The following EML6 variants were observed in gnomAD, a reference collection of about 807,000 sequenced individuals.
EML6 encodes echinoderm microtubule-associated protein-like 6.
Under a neutral mutation model 240.1 loss-of-function variants are expected in EML6, and 154 were observed. That is an observed-to-expected ratio of 0.64 (90% confidence interval 0.56 to 0.73). The LOEUF is 0.73. Ranked by LOEUF, EML6 falls within the 30% of genes least tolerant of loss-of-function variation. The probability of loss-of-function intolerance (pLI) is 0.00; values close to 1 mark genes in which losing one functional copy is unlikely to be tolerated. For missense variants in EML6, 2,964 were observed against 2,474.6 expected (o/e 1.20, Z -4.20); for synonymous variants, 1,148 against 899.0 (o/e 1.28, Z -4.95).
In EML6 at chr2:54,725,036, C is replaced by CG; in HGVS notation, c.-20dup. 1 of 1,486,536 alleles carries CG rather than the reference C, an allele frequency of 6.7e-7. No individual in the cohort carries two copies. The highest frequency in any genetic ancestry group is 8.9e-7 in the Non-Finnish European group (1 of 1,118,226). 92.1% of individuals were successfully genotyped at this position (1,486,536 alleles called of 1,614,324 possible). A position where few individuals can be genotyped will look rare whatever the true frequency, so the allele number is the denominator to read the frequency against. ...AGGACGGCCCCGGCGCGCGGGGGGG[C>CG]GGGGGGCGCGCGGGGTCGGCTTATC... On this transcript the variant is annotated 5_prime_UTR_variant, in exon 2 of 42. Coordinates refer to ENST00000356458, the MANE Select transcript of EML6 (RefSeq NM_001039753.4). The surrounding 1 kb of genome is among the most constrained non-coding windows in gnomAD (Gnocchi z 4.3).
chr2:54,777,054 G>A (rs1210119521), intron 2 of EML6, among the ~76,000 whole-genome samples: 2 of 152,152 alleles, frequency 1.3e-5, no homozygotes, highest in Non-Finnish European at 2.9e-5. Flanking sequence ...AATTGCCAGA[G>A]TAAGGACAGC....
chr2:54,813,437 T>A (rs774736782), intron 3 of EML6, 46 bp downstream of exon 3: 1 of 1,468,730 alleles, frequency 6.8e-7, no homozygotes, highest in South Asian at 1.2e-5. Context: ...TTCTCACAAC[T>A]CACTTAAAAC....
At chr2:54,727,618 C>G (rs1682968629) in intron 2 of EML6, among the ~76,000 whole-genome samples, 1 of 152,174 alleles carries the variant, frequency 6.6e-6, no homozygotes, top group African/African-American at 2.4e-5. Context: ...ATGGAGAGGA[C>G]TATAGCTAAG....
chr2:54,728,121 C>T (rs891537394), intron 2 of EML6, among the ~76,000 whole-genome samples: 29 of 152,136 alleles, frequency 1.9e-4, no homozygotes, highest in African/African-American at 1.7e-4. Flanking sequence ...ATATTTTAGA[C>T]CTGATAACAT....
intron 2 of EML6, among the ~76,000 whole-genome samples, chr2:54,803,055 C>G (rs939173215): frequency 1.3e-5 from 2 of 152,038 alleles, no homozygotes; most frequent in African/African-American, 4.8e-5. Flanking sequence ...CACCAACTTG[C>G]TGGATGAAAT....
intron 8 of EML6, 22 bp downstream of exon 8, chr2:54,844,270 C>T (rs1226079878): frequency 1.3e-6 from 2 of 1,539,852 alleles, no homozygotes; most frequent in Non-Finnish European, 1.8e-6. Flanking sequence ...CCGCCGTCAC[C>T]TCTCTGACTT....
At chr2:54,955,337 A>G (rs1478414436) in intron 32 of EML6, among the ~76,000 whole-genome samples, 1 of 152,178 alleles carries the variant, frequency 6.6e-6, no homozygotes, top group African/African-American at 2.4e-5. Context: ...TCCTGCAGTT[A>G]GGACCCATCC....
intron 2 of EML6, among the ~76,000 whole-genome samples, chr2:54,777,930 A>T (rs1421051389): frequency 6.6e-6 from 1 of 152,244 alleles, no homozygotes; most frequent in South Asian, 2.1e-4. Flanking sequence ...ATATTTACAT[A>T]TGAAAAAATA....
chr2:54,847,741 A>ATCGTGG, intron 9 of EML6, 118 bp downstream of exon 9: 1 of 1,036,730 alleles, frequency 9.6e-7, no homozygotes, highest in Non-Finnish European at 1.4e-6. Context: ...TTCAAATAGG[A>ATCGTGG]ATACTATAGA....
At chr2:54,925,413 T>A (rs1674489182) in intron 26 of EML6, among the ~76,000 whole-genome samples, 1 of 152,232 alleles carries the variant, frequency 6.6e-6, no homozygotes, top group East Asian at 1.9e-4. Context: ...ATTCTCGCAT[T>A]GAGTTCTATG....
Position 54,955,936 on chromosome 2 carries a change from T to C in EML6, c.4486+1780T>C, listed in dbSNP as rs116339471. On this transcript the variant is annotated intron_variant, in intron 32 of 41. Transcript: ENST00000356458. ...TTACTTACAGATAAATAGCATGTGT[T>C]TGGGGAGGTTTACATACATTTTATG... Among the ~76,000 whole-genome samples, 540 of 152,324 alleles carry C rather than the reference T, an allele frequency of 3.5e-3. 4 individuals are homozygous for C. The highest frequency in any genetic ancestry group is 0.013 in the African/African-American group (520 of 41,572).
At chr2:54,820,581 C>A in intron 5 of EML6, 119 bp downstream of exon 5, 1 of 586,150 alleles carries the variant, frequency 1.7e-6, no homozygotes. Flanking sequence ...CAATATAGAG[C>A]CCTCTTACCT....
At chr2:54,885,305 G>T (rs1294257816) in intron 17 of EML6, among the ~76,000 whole-genome samples, 1 of 151,828 alleles carries the variant, frequency 6.6e-6, no homozygotes, top group Non-Finnish European at 1.5e-5. Context: ...AAATTAGCCA[G>T]GCATGGTGGC....
intron 7 of EML6, among the ~76,000 whole-genome samples, chr2:54,836,868 T>G (rs1054265147): frequency 1.3e-5 from 2 of 152,180 alleles, no homozygotes. Flanking sequence ...CCTCCTTCAT[T>G]TCTTTCACAT....
chr2:54,821,801 A>G (rs1210543494), intron 5 of EML6, among the ~76,000 whole-genome samples: 1 of 152,146 alleles, frequency 6.6e-6, no homozygotes, highest in Non-Finnish European at 1.5e-5. Context: ...TTCATACTAT[A>G]CACTAAAACA....
intron 24 of EML6, among the ~76,000 whole-genome samples, chr2:54,910,716 T>C (rs1294965523): frequency 6.6e-6 from 1 of 152,210 alleles, no homozygotes; most frequent in African/African-American, 2.4e-5. Flanking sequence ...TCTTCTGTTA[T>C]TTGAAGGATG....
intron 2 of EML6, among the ~76,000 whole-genome samples, chr2:54,757,605 G>C (rs1667793737): frequency 1.3e-5 from 2 of 152,314 alleles, no homozygotes; most frequent in South Asian, 4.1e-4. Flanking sequence ...CAGCCCCAGA[G>C]AGTAAATCTC....
At chr2:54,751,111 C>T (rs1194627478) in intron 2 of EML6, among the ~76,000 whole-genome samples, 1 of 152,172 alleles carries the variant, frequency 6.6e-6, no homozygotes, top group African/African-American at 2.4e-5. Flanking sequence ...CTTGTTATCT[C>T]TTTGAAAGGG....
intron 9 of EML6, among the ~76,000 whole-genome samples, chr2:54,848,366 T>C (rs1292354858): frequency 1.3e-5 from 2 of 152,222 alleles, no homozygotes; most frequent in African/African-American, 2.4e-5. Flanking sequence ...GATTGGAGAA[T>C]GGTCTTAGCA....
Sources: gnomAD v4.1 joint callset for allele counts (sites outside exome capture counted in the v4.1 genomes callset) on GRCh38, gnomAD v4.1.1 for gene constraint, Gnocchi (gnomAD v3.1) non-coding constraint, MANE v1.5 for transcripts, NCBI Gene and HGNC (gene_info 2026-07-23, HGNC 2026-07-21) for gene names.